Variants in ERICH1 observed in about 807,000 individuals in gnomAD.
ERICH1 encodes the protein glutamate rich 1.
A neutral mutation model predicts 39.6 loss-of-function variants in ERICH1; 56 were observed. The ratio of observed to expected loss-of-function variants is 1.41; its 90% CI spans 1.14 to 1.77. ERICH1 has a LOEUF of 1.77. ERICH1 is among the 40% of genes most tolerant of loss of function. The probability of loss-of-function intolerance (pLI) is 0.00; values close to 1 mark genes in which losing one functional copy is unlikely to be tolerated. For missense variants in ERICH1, 826 were observed against 575.4 expected, an observed-to-expected ratio of 1.44 and a Z score of -4.45; for synonymous variants, 313 against 223.6, an observed-to-expected ratio of 1.40 and a Z score of -3.57.
At chr8:657,940 G>C (rs1800876273) in intron 3 of ERICH1, among the ~76,000 whole-genome samples, 1 of 152,172 alleles carries the variant, frequency 6.6e-6, no homozygotes, top group African/African-American at 2.4e-5. Flanking sequence ...TGACTGGCTG[G>C]CGTTTCCTTT....
At chr8:652,481 C>T (rs536843945) in intron 3 of ERICH1, among the ~76,000 whole-genome samples, 14 of 152,126 alleles carry the variant, frequency 9.2e-5, no homozygotes, top group Admixed American at 9.2e-4. Flanking sequence ...ATAAAGTGAC[C>T]ACGAGCTTGC....
At chr8:683,770 C>A (rs336443) in intron 3 of ERICH1, among the ~76,000 whole-genome samples, 1,958 of 152,294 alleles carry the variant, frequency 0.013, 43 homozygotes, top group African/African-American at 0.042. Context: ...GATCAGGAAC[C>A]ACCAAAGGAA....
Position 714,958 on chromosome 8 carries a change from C to T in ERICH1, c.169+903G>A, listed in dbSNP as rs77471892. Among the ~76,000 whole-genome samples, 368 of 151,808 alleles carry T rather than the reference C, an allele frequency of 2.4e-3. 1 individual carries two copies. Among genetic ancestry groups the T allele is most frequent in the Non-Finnish European group, 4.0e-3 (271 of 67,916 alleles). ...ACTCCACCCAGGTGTTCTCTTCCCA[C>T]GTCTCTCAGTTGGATGTGCTGCGCA... On this transcript the variant is annotated intron_variant, in intron 2 of 5. Coordinates refer to ENST00000262109, the MANE Select transcript of ERICH1 (RefSeq NM_207332.3).
At chr8:688,481 G>A (rs933980528) in intron 3 of ERICH1, among the ~76,000 whole-genome samples, 25 of 151,518 alleles carry the variant, frequency 1.6e-4, no homozygotes, top group Admixed American at 6.6e-5. Context: ...CCCCAGCTAG[G>A]GTCAGCTCCT....
At chr8:629,556 G>A (rs1797826306) in intron 3 of ERICH1, among the ~76,000 whole-genome samples, 5 of 143,216 alleles carry the variant, frequency 3.5e-5, no homozygotes, top group African/African-American at 1.3e-4. Flanking sequence ...CACCCACACG[G>A]ACAGAGCTGA....
At chr8:633,958 T>C (rs906506154) in intron 3 of ERICH1, among the ~76,000 whole-genome samples, 1 of 152,170 alleles carries the variant, frequency 6.6e-6, no homozygotes, top group African/African-American at 2.4e-5. Context: ...TGCCACGATG[T>C]TGGATTTGGC....
rs539986108 is a variant in ERICH1, at chr8:692,533, C to G, written c.249G>C (p.Pro83=). The G allele has an allele frequency of 6.2e-7, 1 of 1,613,886 alleles. No homozygotes were observed. The highest frequency in any genetic ancestry group is 1.3e-5 in the African/African-American group (1 of 74,918). Residue 83 remains proline, a synonymous_variant, in exon 3 of 6, where the codon CCG becomes CCC. Coordinates refer to ENST00000262109, the MANE Select transcript of ERICH1 (RefSeq NM_207332.3). ...GPPEGYVPCW[P]EPSSCGSPEN... ...CGGGGCTCCCACAGCTGCTGGGCTC[C>G]GGCCAACAGGGGACGTAGCCCTCAG...
chr8:718,622 A>C (rs1816582677), intron 1 of ERICH1, among the ~76,000 whole-genome samples: 2 of 152,226 alleles, frequency 1.3e-5, no homozygotes, highest in African/African-American at 4.8e-5. Context: ...GGGGTTTCTC[A>C]GGGATAACTG....
intron 3 of ERICH1, among the ~76,000 whole-genome samples, chr8:677,114 G>C (rs1017091536): frequency 6.6e-6 from 1 of 152,238 alleles, no homozygotes; most frequent in African/African-American, 2.4e-5. Context: ...CCCTGCAGAG[G>C]GTGAGCTCCG....
Position 674,036 on chromosome 8 carries a change from G to C in ERICH1, c.316C>G (p.His106Asp), listed in dbSNP as rs767390173. The C allele has an allele frequency of 6.4e-7, 1 of 1,559,334 alleles. No homozygotes were observed. Among genetic ancestry groups the C allele is most frequent in the African/African-American group, 1.4e-5 (1 of 72,370 alleles). Reference protein sequence around the residue: ...SGDDTEDQDPHDQPKRRRIRK... With the variant: ...SGDDTEDQDPDDQPKRRRIRK... ...ATTCTTCTTCTCTTTGGCTGGTCAT[G>C]AGGATCCTGATCTGTTAAAAAAATT... The change falls in exon 4 of 6, where the codon CAT (histidine) becomes GAT (aspartate). Residue 106 changes from histidine (H) to aspartate (D), a missense_variant. By Grantham distance (81) the His-to-Asp change is moderately conservative. Coordinates refer to ENST00000262109, the MANE Select transcript of ERICH1 (RefSeq NM_207332.3).
intron 3 of ERICH1, among the ~76,000 whole-genome samples, chr8:644,029 G>A (rs1456449954): frequency 4.6e-5 from 7 of 152,206 alleles, no homozygotes; most frequent in South Asian, 2.1e-4. Flanking sequence ...TGGTGGGGGC[G>A]CACACTGGGC....
chr8:654,003 A>G (rs948858899), intron 3 of ERICH1, among the ~76,000 whole-genome samples: 1 of 152,212 alleles, frequency 6.6e-6, no homozygotes, highest in Non-Finnish European at 1.5e-5. Flanking sequence ...GGAGCCACAG[A>G]GACAGAAAGT....
chr8:696,293 A>C (rs1223037677), intron 2 of ERICH1, among the ~76,000 whole-genome samples: 38 of 21,916 alleles, frequency 1.7e-3, no homozygotes, highest in Admixed American at 3.0e-3. Context: ...CTCACCCTTC[A>C]CTCCTCTCCT....
chr8:692,889 G>GT (rs1357131928), intron 2 of ERICH1, among the ~76,000 whole-genome samples: 1 of 152,194 alleles, frequency 6.6e-6, no homozygotes, highest in African/African-American at 2.4e-5. Flanking sequence ...CTGGGTTTTT[G>GT]TAACACAATA....
At chr8:707,643 C>G (rs1046161502) in intron 2 of ERICH1, among the ~76,000 whole-genome samples, 5 of 152,022 alleles carry the variant, frequency 3.3e-5, no homozygotes, top group Admixed American at 1.3e-4. Flanking sequence ...ACAACATCAG[C>G]TGAAAACGGA....
At chr8:643,902 C>A (rs7013340) in intron 3 of ERICH1, among the ~76,000 whole-genome samples, 1 of 152,096 alleles carries the variant, frequency 6.6e-6, no homozygotes, top group Non-Finnish European at 1.5e-5. Context: ...GGCACGGACT[C>A]AGCGCCTGGA....
rs755401025 is a variant in ERICH1, at chr8:668,644, C to T, written c.1212G>A (p.Leu404=). The T allele has an allele frequency of 6.2e-7, 1 of 1,614,062 alleles. No individual in the cohort carries two copies. Among genetic ancestry groups the T allele is most frequent in the Non-Finnish European group, 8.5e-7 (1 of 1,180,048 alleles). Residue 404 remains leucine, a synonymous_variant, in exon 5 of 6, where the codon TTG becomes TTA. Transcript: ENST00000262109. ...TLLLLQDTER[L]KHALEMFPEH... ...CTGGGAACATTTCCAGAGCATGCTT[C>T]AATCTCTCAGTATCTTGCAGGAGCA...
intron 5 of ERICH1, chr8:668,130 A>T (rs902385551): frequency 4.5e-6 from 1 of 223,992 alleles, no homozygotes; most frequent in African/African-American, 2.3e-5. Flanking sequence ...CATTGGGAAG[A>T]CATGAGCACA....
chr8:679,136 C>A (rs1805523235), intron 3 of ERICH1, among the ~76,000 whole-genome samples: 1 of 150,044 alleles, frequency 6.7e-6, no homozygotes, highest in Non-Finnish European at 1.5e-5. Context: ...CAGCTCTCAC[C>A]CGTCAAAGCT....
Sources: allele counts gnomAD v4.1 joint callset (sites outside exome capture counted in the v4.1 genomes callset), GRCh38; gene constraint gnomAD v4.1.1; transcripts MANE v1.5; gene names NCBI Gene and HGNC (gene_info 2026-07-23, HGNC 2026-07-21).